The following SPATS2L variants were observed in gnomAD, a reference collection of about 807,000 sequenced individuals.
The protein encoded by SPATS2L is SPATS2-like protein.
Under a neutral mutation model 59.6 loss-of-function variants are expected in SPATS2L, and 30 were observed. The ratio of observed to expected loss-of-function variants is 0.50; its 90% CI spans 0.38 to 0.68. The LOEUF (loss-of-function observed/expected upper bound fraction) is 0.68. Among genes scored for constraint, SPATS2L ranks in the 30% least tolerant of loss-of-function variants. The pLI, the probability that SPATS2L is intolerant of heterozygous loss-of-function variation, is 0.00. For missense variants in SPATS2L, 615 were observed against 700.0 expected, an observed-to-expected ratio of 0.88 and a Z score of 1.37; for synonymous variants, 252 against 263.5, an observed-to-expected ratio of 0.96 and a Z score of 0.42.
chr2:200,320,621 C>T (rs571639590), intron 1 of SPATS2L, among the ~76,000 whole-genome samples: 8 of 151,602 alleles, frequency 5.3e-5, no homozygotes, highest in East Asian at 3.9e-4. Flanking sequence ...GTATCAGTAA[C>T]GTGACCATGA....
chr2:200,373,980 GA>G (rs1252034349), intron 2 of SPATS2L, among the ~76,000 whole-genome samples: 2 of 152,118 alleles, frequency 1.3e-5, no homozygotes, highest in Non-Finnish European at 2.9e-5. Context: ...TTTACTAAAA[GA>G]AAAATGAAAC....
chr2:200,412,347 A>C lies in SPATS2L; in HGVS notation c.76A>C (p.Asn26His). 6.2e-7 allele frequency: 1 copy of C among 1,607,236 alleles called. No individual in the cohort carries two copies. The highest frequency in any genetic ancestry group is 8.5e-7 in the Non-Finnish European group (1 of 1,176,622). ...TAGATCAGTTGTTCCCAACAAAAGC[A>C]ATAATGAAATAGTCCTGGTGCTCCA... ...AVRSVVPNKS[N>H]NEIVLVLQQF... Residue 26 changes from asparagine to histidine, a missense_variant, in exon 4 of 13, where the codon AAT becomes CAT. Coordinates refer to ENST00000409140, the MANE Select transcript of SPATS2L (RefSeq NM_001100423.2).
chr2:200,330,917 T>C (rs562993198), intron 2 of SPATS2L, among the ~76,000 whole-genome samples: 1 of 152,362 alleles, frequency 6.6e-6, no homozygotes, highest in East Asian at 1.9e-4. Flanking sequence ...AACGGTGACA[T>C]TAGACATCCC....
At chr2:200,425,569 G>A (rs548036159) in intron 6 of SPATS2L, among the ~76,000 whole-genome samples, 53 of 152,166 alleles carry the variant, frequency 3.5e-4, no homozygotes, top group Middle Eastern at 3.4e-3. Flanking sequence ...AAGAACATTC[G>A]TCCACTTTAC....
upstream of SPATS2L, chr2:200,306,619 G>A (rs928606905): frequency 6.0e-5 from 60 of 994,616 alleles, no homozygotes; most frequent in Admixed American, 6.2e-5. Flanking sequence ...ACACCGAGGG[G>A]AAGGCGGGCG....
chr2:200,412,980 C>T (rs1406724689), intron 4 of SPATS2L, among the ~76,000 whole-genome samples: 1 of 152,102 alleles, frequency 6.6e-6, no homozygotes, highest in Non-Finnish European at 1.5e-5. Flanking sequence ...GGCTTGAGCC[C>T]CTGAGGCAGA....
chr2:200,469,177 C>T (rs539595653), intron 10 of SPATS2L, among the ~76,000 whole-genome samples: 20 of 152,254 alleles, frequency 1.3e-4, no homozygotes, highest in African/African-American at 4.8e-4. Context: ...TTTCAATGTT[C>T]CCTCTTAAAT....
intron 1 of SPATS2L, among the ~76,000 whole-genome samples, chr2:200,313,158 G>A (rs1015857847): frequency 6.6e-6 from 1 of 152,078 alleles, no homozygotes; most frequent in Non-Finnish European, 1.5e-5. Context: ...TTTACCTATC[G>A]GTCTGCACAG....
intron 2 of SPATS2L, among the ~76,000 whole-genome samples, chr2:200,364,475 C>T (rs2081205009): frequency 6.6e-6 from 1 of 152,140 alleles, no homozygotes; most frequent in African/African-American, 2.4e-5. Flanking sequence ...GTTTAGGTTG[C>T]CGATGGACTT....
At chr2:200,382,383 C>T (rs918825219) in intron 2 of SPATS2L, among the ~76,000 whole-genome samples, 7 of 152,150 alleles carry the variant, frequency 4.6e-5, no homozygotes, top group Non-Finnish European at 1.0e-4. Flanking sequence ...CCAAAAATAG[C>T]CATTTCTTTG....
chr2:200,309,133 A>G, intron 1 of SPATS2L: 1 of 717,646 alleles, frequency 1.4e-6, no homozygotes, highest in Non-Finnish European at 2.6e-6. Flanking sequence ...CTTTAGAAAT[A>G]TCTCACTTTG....
chr2:200,444,328 T>C (rs552846079), intron 8 of SPATS2L, among the ~76,000 whole-genome samples: 1 of 152,178 alleles, frequency 6.6e-6, no homozygotes, highest in African/African-American at 2.4e-5. Context: ...CAAAAAAACA[T>C]TGAGGAAGGA....
At chr2:200,419,978 A>C (rs2083242663) in intron 6 of SPATS2L, among the ~76,000 whole-genome samples, 1 of 152,196 alleles carries the variant, frequency 6.6e-6, no homozygotes, top group Non-Finnish European at 1.5e-5. Context: ...GTTGATGACA[A>C]AAAGAAATGT....
At chr2:200,399,933 T>C (rs530474760) in intron 3 of SPATS2L, among the ~76,000 whole-genome samples, 22 of 152,262 alleles carry the variant, frequency 1.4e-4, no homozygotes, top group African/African-American at 4.8e-4. Context: ...TGGTACTCTT[T>C]ATCTGAAAAG....
At chr2:200,453,983 C>T (rs2085654103) in intron 8 of SPATS2L, among the ~76,000 whole-genome samples, 1 of 152,082 alleles carries the variant, frequency 6.6e-6, no homozygotes, top group Non-Finnish European at 1.5e-5. Flanking sequence ...TCCTGCTGGG[C>T]CTGCCTCCCT....
At chr2:200,446,538 G>A (rs2085059182) in intron 8 of SPATS2L, among the ~76,000 whole-genome samples, 2 of 152,120 alleles carry the variant, frequency 1.3e-5, no homozygotes, top group South Asian at 2.1e-4. Flanking sequence ...GTTAGGTAGA[G>A]GCTAGGGATG....
At chr2:200,410,145 G>A (rs1173642864) in intron 3 of SPATS2L, among the ~76,000 whole-genome samples, 4 of 151,848 alleles carry the variant, frequency 2.6e-5, no homozygotes, top group Non-Finnish European at 5.9e-5. Flanking sequence ...TGTGCCTGAT[G>A]TGGTAATAAT....
chr2:200,361,617 A>G (rs1559068043), intron 2 of SPATS2L, among the ~76,000 whole-genome samples: 1 of 152,194 alleles, frequency 6.6e-6, no homozygotes, highest in Non-Finnish European at 1.5e-5. Flanking sequence ...GTTCATTGCC[A>G]TCCTTTGTCT....
chr2:200,372,234 C>T (rs957832558), intron 2 of SPATS2L: 17 of 970,116 alleles, frequency 1.8e-5, no homozygotes, highest in Non-Finnish European at 2.1e-5. Context: ...AGGCAGAGGT[C>T]CCCCATCTTC....
Sources: allele counts gnomAD v4.1 joint callset (sites outside exome capture counted in the v4.1 genomes callset), GRCh38; gene constraint gnomAD v4.1.1; transcripts MANE v1.5; gene names NCBI Gene and HGNC (gene_info 2026-07-23, HGNC 2026-07-21).